SCGB2B2: variants seen among roughly 807,000 people sequenced by gnomAD.
SCGB2B2 encodes the protein secretoglobin family 2B member 2, also known as secretoglobin-like protein.
In SCGB2B2, 11 loss-of-function variants were observed where a neutral mutation model predicts 7.6. The observed-to-expected ratio is 1.45, with a 90% CI of 0.91 to 2.40. The LOEUF is 2.40. Among genes scored for constraint, SCGB2B2 ranks in the 30% most tolerant of loss-of-function variants. The pLI is 0.00. For synonymous variants in SCGB2B2, 50 were observed against 48.6 expected (o/e 1.03, Z -0.12); for missense variants, 104 against 115.4 (o/e 0.90, Z 0.45).
At chr19:34,639,873 G>T (rs1168974569) in intron 1 of SCGB2B2, among the ~76,000 whole-genome samples, 1 of 151,748 alleles carries the variant, frequency 6.6e-6, no homozygotes, top group Non-Finnish European at 1.5e-5. Context: ...AATGATCATC[G>T]GCCTTGAAAG....
intron 1 of SCGB2B2, among the ~76,000 whole-genome samples, 194 bp from the exon 2 acceptor site, chr19:34,596,788 C>T (rs193151234): frequency 6.6e-6 from 1 of 152,066 alleles, no homozygotes; most frequent in East Asian, 2.0e-4. Context: ...AAGGTGTGGG[C>T]TCCAAGAGGG....
chr19:34,653,042 G>A lies in SCGB2B2; in HGVS notation c.-2032+22588C>T, dbSNP rs139296504. On this transcript the variant is annotated intron_variant, in intron 1 of 3. Coordinates refer to ENST00000601241, the MANE Select transcript of SCGB2B2 (RefSeq NM_001025591.4). ...ATTTAGCTATGAAAAAGAATAAAAT[G>A]CTGTCATTTGCAGCAACATGGATGA... is the stretch of plus-strand genomic sequence containing the variant. Among the ~76,000 whole-genome samples the A allele has an allele frequency of 7.8e-4, 118 of 151,392 alleles. 1 individual carries two copies. The East Asian group carries it at 0.015, about 19-fold the overall frequency.
rs543230023 is a variant in SCGB2B2 at position 34,634,448 on chromosome 19, G to T, written c.-2031-37854C>A. 1.1e-4 allele frequency among the ~76,000 whole-genome samples: 16 copies of T among 152,322 alleles called. No homozygotes were observed. The South Asian group carries it at 3.1e-3, about 30-fold the overall frequency. ...CCTTGGGCAGGTTAGAAAGTGCAAT[G>T]CAACTCCTGAAAGCTTCCCACCTAC... On this transcript the variant is annotated intron_variant, in intron 1 of 3. Coordinates refer to ENST00000601241, the MANE Select transcript of SCGB2B2 (RefSeq NM_001025591.4).
intron 1 of SCGB2B2, among the ~76,000 whole-genome samples, chr19:34,607,540 A>G (rs2065815655): frequency 6.6e-6 from 1 of 152,214 alleles, no homozygotes; most frequent in Non-Finnish European, 1.5e-5. Context: ...TTTTTCATAA[A>G]GGCTGTACCA....
At chr19:34,625,571 G>A (rs1333810478) in intron 1 of SCGB2B2, among the ~76,000 whole-genome samples, 2 of 152,190 alleles carry the variant, frequency 1.3e-5, no homozygotes, top group African/African-American at 4.8e-5. Flanking sequence ...GAGGCTGGGG[G>A]AGGGGCGCCT....
chr19:34,659,903 C>A (rs575933462), intron 1 of SCGB2B2, among the ~76,000 whole-genome samples: 112 of 152,090 alleles, frequency 7.4e-4, no homozygotes, highest in Non-Finnish European at 1.4e-3. Flanking sequence ...GCTACAGTAA[C>A]CAAAATAGCA....
intron 1 of SCGB2B2, among the ~76,000 whole-genome samples, chr19:34,638,990 C>T (rs759425131): frequency 6.6e-6 from 1 of 152,194 alleles, no homozygotes; most frequent in African/African-American, 2.4e-5. Context: ...TCTCCAGAAG[C>T]AGACAGCATC....
intron 1 of SCGB2B2, among the ~76,000 whole-genome samples, chr19:34,617,865 G>A (rs376595113): frequency 2.2e-4 from 34 of 152,102 alleles, no homozygotes; most frequent in Admixed American, 6.5e-4. Context: ...TTGGAAAAGC[G>A]CAGTATTCGG....
intron 1 of SCGB2B2, among the ~76,000 whole-genome samples, chr19:34,668,762 C>G (rs577034929): frequency 4.3e-4 from 65 of 152,112 alleles, no homozygotes; most frequent in African/African-American, 1.5e-3. Context: ...CCTTTGTGTC[C>G]ACACTCTGTA....
intron 1 of SCGB2B2, among the ~76,000 whole-genome samples, chr19:34,612,143 T>A (rs1234363297): frequency 6.8e-6 from 1 of 146,776 alleles, no homozygotes; most frequent in Non-Finnish European, 1.5e-5. Context: ...ATTCAAGTGA[T>A]TTCCCCTGCC....
intron 1 of SCGB2B2, among the ~76,000 whole-genome samples, chr19:34,615,351 C>T (rs1277575531): frequency 6.7e-6 from 1 of 150,142 alleles, no homozygotes; most frequent in African/African-American, 2.5e-5. Flanking sequence ...TATTGGGATC[C>T]TCTGGTTTAC....
In SCGB2B2 at chr19:34,658,986, T is replaced by C. The variant is rs540988423; in HGVS notation, c.-2032+16644A>G. On this transcript the variant is annotated intron_variant, in intron 1 of 3. Coordinates refer to ENST00000601241, the MANE Select transcript of SCGB2B2 (RefSeq NM_001025591.4). Reference sequence around the variant, plus strand: ...CCTGGGATGCAAGGCTGGTTCAACATACACAAATCAATAAACGTAATCCAT... The same window carrying C: ...CCTGGGATGCAAGGCTGGTTCAACACACACAAATCAATAAACGTAATCCAT... Among the ~76,000 whole-genome samples the C allele has an allele frequency of 4.8e-4, 73 of 152,230 alleles. 1 individual carries two copies. The highest frequency in any genetic ancestry group is 3.2e-3 in the Admixed American group (49 of 15,300).
At chr19:34,609,202 T>C (rs2145829659) in intron 1 of SCGB2B2, among the ~76,000 whole-genome samples, 1 of 152,282 alleles carries the variant, frequency 6.6e-6, no homozygotes, top group East Asian at 1.9e-4. Context: ...CTGTTTGAGT[T>C]CCTTGTATAT....
At chr19:34,596,780 GGT>G (rs1440030710) in intron 1 of SCGB2B2, among the ~76,000 whole-genome samples, 186 bp from the exon 2 acceptor site, 1 of 152,048 alleles carries the variant, frequency 6.6e-6, no homozygotes, top group African/African-American at 2.4e-5. Context: ...GCAGCTGAAA[GGT>G]GTGGGCTCCA....
chr19:34,629,331 C>T (rs1156566994), intron 1 of SCGB2B2, among the ~76,000 whole-genome samples: 1 of 151,794 alleles, frequency 6.6e-6, no homozygotes, highest in Admixed American at 6.6e-5. Flanking sequence ...AGTCAAATTG[C>T]CCCTGTTTGC....
rs376682383 is a variant in SCGB2B2, at chr19:34,605,314, T to G, written c.-2031-8720A>C. On this transcript the variant is annotated intron_variant, in intron 1 of 3. Transcript: ENST00000601241. The stretch of plus-strand genomic sequence containing the variant: ...TGAGAACTCTGTCTTATGTAGGTTT[T>G]GTATGGATGGCTGGAGTCATAGGCA... 1.3e-4 allele frequency among the ~76,000 whole-genome samples: 20 copies of G among 152,326 alleles called. No homozygotes were observed. In the East Asian group the frequency reaches 2.7e-3, roughly 21 times the overall value.
chr19:34,603,883 C>T (rs953701099), intron 1 of SCGB2B2, among the ~76,000 whole-genome samples: 1 of 147,840 alleles, frequency 6.8e-6, no homozygotes, highest in African/African-American at 2.5e-5. Flanking sequence ...TGATAGCTCA[C>T]TGTAGCCTCA....
chr19:34,600,240 G>A (rs980103660), intron 1 of SCGB2B2, among the ~76,000 whole-genome samples: 12 of 151,954 alleles, frequency 7.9e-5, no homozygotes, highest in African/African-American at 2.2e-4. Flanking sequence ...CTGTTCTCCC[G>A]TATCTTACTT....
chr19:34,626,009 G>T (rs1043988069), intron 1 of SCGB2B2, among the ~76,000 whole-genome samples: 2 of 152,160 alleles, frequency 1.3e-5, no homozygotes, highest in African/African-American at 4.8e-5. Flanking sequence ...AGGCAAACAG[G>T]GTCTGGAGTG....
Sources: allele counts gnomAD v4.1 joint callset (sites outside exome capture counted in the v4.1 genomes callset), GRCh38; gene constraint gnomAD v4.1.1; transcripts MANE v1.5; gene names NCBI Gene and HGNC (gene_info 2026-07-23, HGNC 2026-07-21).